SLCO3A1: variants seen among roughly 807,000 people sequenced by gnomAD.
The protein encoded by SLCO3A1 is PGE1 transporter.
Under a neutral mutation model 63.1 loss-of-function variants are expected in SLCO3A1, and 27 were observed. That is an observed-to-expected ratio of 0.43 (90% CI 0.32 to 0.59). The LOEUF (loss-of-function observed/expected upper bound fraction) is 0.59, where lower values mean the gene tolerates loss of function less well. Ranked by LOEUF, SLCO3A1 falls within the 20% of genes least tolerant of loss-of-function variation. The pLI, the probability that SLCO3A1 is intolerant of heterozygous loss-of-function variation, is 0.09. For synonymous variants in SLCO3A1, 473 were observed against 409.9 expected, an observed-to-expected ratio of 1.15 and a Z score of -1.86; for missense variants, 773 against 945.8, an observed-to-expected ratio of 0.82 and a Z score of 2.40.
At chr15:92,013,525 A>G (rs62011574) in intron 2 of SLCO3A1, among the ~76,000 whole-genome samples, 44,196 of 152,100 alleles carry the variant, frequency 0.29, 6,621 homozygotes, top group Admixed American at 0.35. Context: ...GGAGCACAGC[A>G]CAGGGAGCCT....
In SLCO3A1 at chr15:91,885,226, C is replaced by T. The variant is rs977003091; in HGVS notation, c.181-30767C>T. On this transcript the variant is annotated intron_variant, in intron 1 of 9. Transcript: ENST00000318445. This position sits in a 1 kb window ranked among gnomAD's most constrained non-coding sequence, Gnocchi z 4.7. ...TGGCGTCACTCTCCACGCCCAGTAA[C>T]GAAGCCCCACCCCTGGCTGGGCCTT... Among the ~76,000 whole-genome samples, 6 of 152,156 alleles carry T rather than the reference C, an allele frequency of 3.9e-5. No individual in the cohort carries two copies. The highest frequency in any genetic ancestry group is 8.8e-5 in the Non-Finnish European group (6 of 68,016).
At chr15:91,911,684 TG>T (rs1439789657) in intron 1 of SLCO3A1, among the ~76,000 whole-genome samples, 1 of 152,274 alleles carries the variant, frequency 6.6e-6, no homozygotes, top group South Asian at 2.1e-4. Flanking sequence ...TGGAGTGCAG[TG>T]GCGCAGTCTT....
At chr15:92,133,651 G>A (rs1833011045) in intron 7 of SLCO3A1, among the ~76,000 whole-genome samples, 2 of 145,158 alleles carry the variant, frequency 1.4e-5, no homozygotes, top group African/African-American at 2.5e-5. Flanking sequence ...TGTGCCTTAG[G>A]GGAATCTAAT....
intron 1 of SLCO3A1, among the ~76,000 whole-genome samples, chr15:91,871,765 G>GTTTTTTTTTT (rs33938693): frequency 1.1e-4 from 5 of 45,704 alleles, no homozygotes; most frequent in African/African-American, 1.8e-4. Context: ...TTTTTTTTTG[G>GTTTTTTTTTT]TTTTTTTTTT....
intron 8 of SLCO3A1, 65 bp downstream of exon 8, chr15:92,147,224 G>A (rs936029391): frequency 1.6e-5 from 24 of 1,495,554 alleles, no homozygotes; most frequent in Non-Finnish European, 2.2e-5. Context: ...AGGCCTCCTA[G>A]GGACCAGAGC....
chr15:92,169,242 C>CAA (rs2048508809), downstream of SLCO3A1, among the ~76,000 whole-genome samples: 1 of 152,174 alleles, frequency 6.6e-6, no homozygotes, highest in African/African-American at 2.4e-5. Context: ...CTCAAATTCA[C>CAA]AAAGCAGAGT....
chr15:91,963,407 G>GT (rs1420268200), intron 2 of SLCO3A1, among the ~76,000 whole-genome samples: 9 of 122,468 alleles, frequency 7.3e-5, no homozygotes, highest in South Asian at 6.6e-4. Context: ...CTCGGGGAGG[G>GT]TGGGGGGGGG....
chr15:91,987,574 T>C (rs1237543168), intron 2 of SLCO3A1, among the ~76,000 whole-genome samples: 1 of 151,912 alleles, frequency 6.6e-6, no homozygotes, highest in Non-Finnish European at 1.5e-5. Flanking sequence ...AAACTCCGTC[T>C]CTACTAGAAG....
intron 9 of SLCO3A1, among the ~76,000 whole-genome samples, chr15:92,161,088 G>T (rs1333289009): frequency 6.6e-6 from 1 of 152,156 alleles, no homozygotes; most frequent in South Asian, 2.1e-4. Flanking sequence ...CCAGACAGAG[G>T]TATAGAGGCC....
chr15:91,884,435 T>G (rs2151349202), intron 1 of SLCO3A1, among the ~76,000 whole-genome samples: 1 of 143,324 alleles, frequency 7.0e-6, no homozygotes, highest in African/African-American at 2.6e-5. Flanking sequence ...CGCTTGAACC[T>G]GGGAGGTGGA....
rs528415150 is a variant in SLCO3A1 at position 91,966,871 on chromosome 15, C to T, written c.646+50413C>T. On this transcript the variant is annotated intron_variant, in intron 2 of 9. Coordinates refer to ENST00000318445, the MANE Select transcript of SLCO3A1 (RefSeq NM_013272.4). The stretch of plus-strand genomic sequence containing the variant: ...GGCGCTTTGTAGAATGTAAAAAAGT[C>T]TAACCCTAGCTTCTGCAGAGAGCTG... 1.4e-4 allele frequency among the ~76,000 whole-genome samples: 22 copies of T among 152,312 alleles called. No homozygotes were observed. The South Asian group carries it at 2.7e-3, about 19-fold the overall frequency.
At chr15:91,910,519 G>C (rs903252601) in intron 1 of SLCO3A1, among the ~76,000 whole-genome samples, 1 of 152,348 alleles carries the variant, frequency 6.6e-6, no homozygotes, top group East Asian at 1.9e-4. Flanking sequence ...TTTTTAGTGT[G>C]CACCTACTGT....
At chr15:91,980,798 T>G (rs2045975086) in intron 2 of SLCO3A1, among the ~76,000 whole-genome samples, 1 of 152,094 alleles carries the variant, frequency 6.6e-6, no homozygotes, top group African/African-American at 2.4e-5. Context: ...TGTTTCTACT[T>G]CTGTGCAAGC....
intron 4 of SLCO3A1, among the ~76,000 whole-genome samples, chr15:92,105,688 G>A (rs913886620): frequency 2.0e-5 from 3 of 152,130 alleles, no homozygotes; most frequent in African/African-American, 7.2e-5. Context: ...CTGACGTCCT[G>A]CTGGATTTTA....
At chr15:92,088,284 G>C (rs1205924711) in intron 2 of SLCO3A1, among the ~76,000 whole-genome samples, 1 of 152,222 alleles carries the variant, frequency 6.6e-6, no homozygotes, top group East Asian at 1.9e-4. Flanking sequence ...ATCTCTGCCT[G>C]AGGGGCTTAG....
intron 2 of SLCO3A1, among the ~76,000 whole-genome samples, chr15:91,958,012 G>A (rs774677602): frequency 1.2e-4 from 18 of 152,056 alleles, no homozygotes; most frequent in Non-Finnish European, 2.1e-4. Flanking sequence ...GCATGGACCC[G>A]CCTCTATGCA....
chr15:91,959,487 T>C (rs1406537359), intron 2 of SLCO3A1, among the ~76,000 whole-genome samples: 1 of 152,066 alleles, frequency 6.6e-6, no homozygotes, highest in Admixed American at 6.6e-5. Flanking sequence ...CCCAGCACTT[T>C]GGGAAGCTGA....
chr15:92,122,540 A>G (rs1304513163), intron 5 of SLCO3A1, among the ~76,000 whole-genome samples: 2 of 152,228 alleles, frequency 1.3e-5, no homozygotes, highest in Non-Finnish European at 2.9e-5. Flanking sequence ...GAACTCGCAT[A>G]CTTGGCCAGT....
intron 2 of SLCO3A1, among the ~76,000 whole-genome samples, chr15:92,074,322 G>A (rs1040510801): frequency 2.3e-4 from 35 of 152,138 alleles, no homozygotes; most frequent in East Asian, 1.4e-3. Context: ...ACACCAACCC[G>A]AAAGATGCAG....
Sources: allele counts gnomAD v4.1 joint callset (sites outside exome capture counted in the v4.1 genomes callset), GRCh38; gene constraint gnomAD v4.1.1; non-coding constraint Gnocchi (gnomAD v3.1); transcripts MANE v1.5; gene names NCBI Gene and HGNC (gene_info 2026-07-23, HGNC 2026-07-21).